The following UPB1 variants were observed in gnomAD, a reference collection of about 807,000 sequenced individuals.
UPB1 encodes the protein beta-ureidopropionase.
In UPB1, 40 loss-of-function variants were observed where a neutral mutation model predicts 49.1. That is an observed-to-expected ratio of 0.81 (90% CI 0.63 to 1.06). The LOEUF is 1.06. Ranked by LOEUF, UPB1 falls within the 50% of genes least tolerant of loss-of-function variation. The pLI, the probability that UPB1 is intolerant of heterozygous loss-of-function variation, is 0.00. For synonymous variants in UPB1, 207 were observed against 198.2 expected (o/e 1.04, Z -0.38); for missense variants, 499 against 505.9 (o/e 0.99, Z 0.13).
chr22:24,510,398 T>C (rs1490050341), intron 3 of UPB1, among the ~76,000 whole-genome samples: 1 of 152,194 alleles, frequency 6.6e-6, no homozygotes, highest in Non-Finnish European at 1.5e-5. Flanking sequence ...ATTGTGTATA[T>C]ATATATACCA....
Position 24,515,107 on chromosome 22 carries a change from A to G in UPB1, c.622-94A>G, listed in dbSNP as rs953848864. The G allele has an allele frequency of 3.3e-6, 5 of 1,507,612 alleles. No individual in the cohort carries two copies. The South Asian group carries it at 3.4e-5, about 10-fold the overall frequency. 93.4% of individuals were successfully genotyped at this position (1,507,612 alleles called of 1,614,324 possible). A position where few individuals can be genotyped will look rare whatever the true frequency, so the allele number is the denominator to read the frequency against. ...TAGAGTCACACTCAGGAGTGTAACCACCTCTGGACTATTGGTGATATTTCA... is the reference window on the plus strand; with the variant it reads ...TAGAGTCACACTCAGGAGTGTAACCGCCTCTGGACTATTGGTGATATTTCA... On this transcript the variant is annotated intron_variant, in intron 5 of 9. Coordinates refer to ENST00000326010, the MANE Select transcript of UPB1 (RefSeq NM_016327.3).
chr22:24,502,349 A>G (rs1245503159), intron 3 of UPB1, 136 bp downstream of exon 3: 2 of 955,564 alleles, frequency 2.1e-6, no homozygotes, highest in Non-Finnish European at 3.5e-6. Context: ...CTCCGTCCAC[A>G]TCACCAGGAA....
chr22:24,506,345 T>G (rs1371211623), intron 3 of UPB1, among the ~76,000 whole-genome samples: 2 of 152,142 alleles, frequency 1.3e-5, no homozygotes, highest in Non-Finnish European at 2.9e-5. Context: ...AAATAGACCT[T>G]TGACCAGTCC....
At chr22:24,515,615 T>C (rs1601505774) in intron 6 of UPB1, among the ~76,000 whole-genome samples, 1 of 152,364 alleles carries the variant, frequency 6.6e-6, no homozygotes, top group East Asian at 1.9e-4. Flanking sequence ...CAACCTCTGC[T>C]GTGATTCTGA....
At chr22:24,502,411 T>C in intron 3 of UPB1, 198 bp downstream of exon 3, 6 of 788,384 alleles carry the variant, frequency 7.6e-6, no homozygotes, top group Non-Finnish European at 1.4e-5. Context: ...TCCTTCAGTT[T>C]TCCCACATCG....
chr22:24,510,233 CAAAAAA>C (rs202134271), intron 3 of UPB1, among the ~76,000 whole-genome samples: 1 of 104,730 alleles, frequency 9.5e-6, no homozygotes, highest in African/African-American at 3.7e-5. Context: ...AACTCCATCT[CAAAAAA>C]AAAAAAAAAA....
At position 24,520,458 on chromosome 22, in the gene UPB1, G is replaced by T. The variant is rs144213713; in HGVS notation, c.863G>T (p.Arg288Leu). The change falls in exon 7 of 10, where the codon CGA (arginine) becomes CTA (leucine). Residue 288 changes from arginine to leucine, a missense_variant. Coordinates refer to ENST00000326010, the MANE Select transcript of UPB1 (RefSeq NM_016327.3). ...ANHCFTCAIN[R>L]VGTEHFPNEF... ...CACTGCTTCACCTGCGCCATCAATC[G>T]AGTGGGCACCGTAAGTCCCGAGGTC... 6.2e-7 allele frequency: 1 copy of T among 1,613,918 alleles called. No homozygotes were observed. Among genetic ancestry groups the T allele is most frequent in the Admixed American group, 1.7e-5 (1 of 60,022 alleles).
chr22:24,502,303 A>G (rs758311495), intron 3 of UPB1, 90 bp downstream of exon 3: 5 of 1,356,976 alleles, frequency 3.7e-6, no homozygotes, highest in Non-Finnish European at 5.3e-6. Context: ...CCTGACTTTT[A>G]AAGAATCTCC....
chr22:24,518,954 C>T (rs1233573589), intron 6 of UPB1, among the ~76,000 whole-genome samples: 3 of 152,188 alleles, frequency 2.0e-5, no homozygotes, highest in South Asian at 2.1e-4. Flanking sequence ...TCTCACTAAC[C>T]CCAGCTTCCT....
chr22:24,499,953 C>A (rs2147000504), intron 1 of UPB1, among the ~76,000 whole-genome samples, 154 bp from the exon 2 acceptor site: 1 of 152,370 alleles, frequency 6.6e-6, no homozygotes, highest in East Asian at 1.9e-4. Flanking sequence ...GACCCCACTG[C>A]TCGCCAGCTC....
intron 3 of UPB1, among the ~76,000 whole-genome samples, chr22:24,506,933 A>T (rs2044102181): frequency 6.6e-6 from 1 of 152,072 alleles, no homozygotes; most frequent in African/African-American, 2.4e-5. Context: ...ACCACTCTGT[A>T]TTGCCAGGTT....
At chr22:24,508,742 A>G (rs954387520) in intron 3 of UPB1, among the ~76,000 whole-genome samples, 3 of 139,170 alleles carry the variant, frequency 2.2e-5, no homozygotes, top group South Asian at 4.8e-4. Flanking sequence ...TTAGATGGGC[A>G]TGGTGGTGGG....
chr22:24,504,964 T>C (rs2044063635), intron 3 of UPB1, among the ~76,000 whole-genome samples: 2 of 149,446 alleles, frequency 1.3e-5, no homozygotes, highest in South Asian at 4.3e-4. Context: ...AGGTCTCAAA[T>C]TCCTGGGCCC....
intron 2 of UPB1, 58 bp downstream of exon 2, chr22:24,500,336 G>A (rs1292794272): frequency 6.2e-7 from 1 of 1,607,610 alleles, no homozygotes; most frequent in Non-Finnish European, 8.5e-7. Flanking sequence ...TGCCCTTGGA[G>A]CACACCTGCA....
chr22:24,515,837 G>C (rs551915813), intron 6 of UPB1, among the ~76,000 whole-genome samples: 2 of 152,136 alleles, frequency 1.3e-5, no homozygotes, highest in East Asian at 1.9e-4. Flanking sequence ...TCAGCCAGGC[G>C]TGGTGGTGTG....
intron 1 of UPB1, among the ~76,000 whole-genome samples, chr22:24,496,404 TACAC>T (rs1012330972): frequency 9.2e-4 from 117 of 126,982 alleles, no homozygotes; most frequent in African/African-American, 1.9e-3. Context: ...CACACACACA[TACAC>T]ACACACACAC....
chr22:24,499,978 A>G (rs2043960898), intron 1 of UPB1, 129 bp from the exon 2 acceptor site: 3 of 1,418,190 alleles, frequency 2.1e-6, no homozygotes, highest in African/African-American at 2.8e-5. Context: ...GGGCCCTGGC[A>G]CTGAGCGCCT....
intron 6 of UPB1, chr22:24,519,930 G>C (rs1053432378): frequency 7.2e-6 from 2 of 278,798 alleles, no homozygotes; most frequent in Non-Finnish European, 1.4e-5. Flanking sequence ...CAGCCCAGCA[G>C]GTGGGTTCCA....
intron 2 of UPB1, 23 bp from the exon 3 acceptor site, chr22:24,502,103 T>G (rs1568980861): frequency 1.2e-6 from 2 of 1,613,464 alleles, no homozygotes; most frequent in Non-Finnish European, 1.7e-6. Context: ...CTAAATGGAT[T>G]CTAATCCTTT....
Sources: gnomAD v4.1 joint callset for allele counts (sites outside exome capture counted in the v4.1 genomes callset) on GRCh38, gnomAD v4.1.1 for gene constraint, MANE v1.5 for transcripts, NCBI Gene and HGNC (gene_info 2026-07-23, HGNC 2026-07-21) for gene names.